CALCRL: variants seen among roughly 807,000 people sequenced by gnomAD.
CALCRL encodes the protein calcitonin gene-related peptide type 1 receptor.
In CALCRL, 27 loss-of-function variants were observed where a neutral mutation model predicts 60.4. That is an observed-to-expected ratio of 0.45 (90% CI 0.33 to 0.62). CALCRL has a LOEUF of 0.62. Ranked by LOEUF, CALCRL falls within the 20% of genes least tolerant of loss-of-function variation. The pLI is 0.03. For synonymous variants in CALCRL, 190 were observed against 182.6 expected, an observed-to-expected ratio of 1.04 and a Z score of -0.33; for missense variants, 424 against 540.7, an observed-to-expected ratio of 0.78 and a Z score of 2.14.
intron 1 of CALCRL, among the ~76,000 whole-genome samples, chr2:187,415,277 G>A (rs1689551289): frequency 6.6e-6 from 1 of 152,152 alleles, no homozygotes; most frequent in Non-Finnish European, 1.5e-5. Context: ...GCCTGCTTTT[G>A]AACTTCTCAC....
intron 1 of CALCRL, among the ~76,000 whole-genome samples, chr2:187,388,708 A>T (rs1443614821): frequency 6.6e-6 from 1 of 152,128 alleles, no homozygotes; most frequent in Non-Finnish European, 1.5e-5. Context: ...AATCACTTCT[A>T]TATTTATTAA....
chr2:187,365,335 A>G (rs116009467), intron 8 of CALCRL, among the ~76,000 whole-genome samples: 6 of 152,300 alleles, frequency 3.9e-5, no homozygotes, highest in Non-Finnish European at 7.4e-5. Context: ...ATTTGTTCAT[A>G]TGGTCTTATT....
In CALCRL at chr2:187,401,763, G is replaced by A. The variant is rs191815307; in HGVS notation, c.-292-14007C>T. On this transcript the variant is annotated intron_variant, in intron 1 of 14. Transcript: ENST00000392370. ...ATTTGTGATTTCTGATATTTTAATT[G>A]TGTTATTACAAATAGAAACATCAAA... 8.8e-4 allele frequency among the ~76,000 whole-genome samples: 134 copies of A among 151,612 alleles called. 4 individuals are homozygous for A. The highest frequency in any genetic ancestry group is 7.3e-3 in the Admixed American group (111 of 15,162).
chr2:187,406,020 A>G (rs560485193), intron 1 of CALCRL, among the ~76,000 whole-genome samples: 1 of 150,180 alleles, frequency 6.7e-6, no homozygotes, highest in East Asian at 2.0e-4. Flanking sequence ...TGTTTTAACC[A>G]TTTGGGACAA....
intron 8 of CALCRL, among the ~76,000 whole-genome samples, chr2:187,368,152 T>C (rs920995480): frequency 6.6e-6 from 1 of 152,124 alleles, no homozygotes; most frequent in Non-Finnish European, 1.5e-5. Flanking sequence ...TTCATAGGAT[T>C]GGCTTAAAAG....
At chr2:187,434,893 A>G (rs1461964953) in intron 1 of CALCRL, among the ~76,000 whole-genome samples, 3 of 152,184 alleles carry the variant, frequency 2.0e-5, no homozygotes, top group African/African-American at 7.2e-5. Flanking sequence ...AAGTAAAAAT[A>G]AAAGCAGAAA....
At chr2:187,390,002 A>C (rs1331052699) in intron 1 of CALCRL, among the ~76,000 whole-genome samples, 1 of 152,186 alleles carries the variant, frequency 6.6e-6, no homozygotes, top group Admixed American at 6.5e-5. Flanking sequence ...TTAGGATCCT[A>C]AAGTCACAAT....
At chr2:187,372,666 A>C (rs1687583578) in intron 8 of CALCRL, among the ~76,000 whole-genome samples, 1 of 152,164 alleles carries the variant, frequency 6.6e-6, no homozygotes, top group Admixed American at 6.6e-5. Flanking sequence ...GTGACCCTCA[A>C]TTACCAAAGA....
rs1322163706 is a variant in CALCRL at position 187,352,127 on chromosome 2, A to G, written c.1115T>C (p.Leu372Pro). Reference sequence around the variant, plus strand: ...AGAATGCCATACCTGGAAGTGCATAAGGATGTGCATGATGTAGTCATATAC... The same window carrying G: ...AGAATGCCATACCTGGAAGTGCATAGGGATGTGCATGATGTAGTCATATAC... ...EEVYDYIMHILMHFQGLLVST... is the reference protein window; with the variant it reads ...EEVYDYIMHIPMHFQGLLVST... Residue 372 changes from leucine to proline, a missense_variant, in exon 13 of 15, where the codon CTT becomes CCT. Physicochemically the swap from Leu to Pro is moderately conservative, Grantham distance 98. This residue lies in a region of CALCRL where 222 missense variants were observed against 265.6 expected (regional missense o/e 0.84). Coordinates refer to ENST00000392370, the MANE Select transcript of CALCRL (RefSeq NM_005795.6). 6.2e-7 allele frequency: 1 copy of G among 1,611,812 alleles called. No individual in the cohort carries two copies. Among genetic ancestry groups the G allele is most frequent in the East Asian group, 2.2e-5 (1 of 44,814 alleles).
At chr2:187,403,417 C>G (rs1450237599) in intron 1 of CALCRL, among the ~76,000 whole-genome samples, 1 of 151,832 alleles carries the variant, frequency 6.6e-6, no homozygotes, top group East Asian at 1.9e-4. Flanking sequence ...TTCTGTAGAT[C>G]AGCAAAGGAG....
At chr2:187,374,499 T>C (rs1687662008) in intron 8 of CALCRL, among the ~76,000 whole-genome samples, 1 of 152,154 alleles carries the variant, frequency 6.6e-6, no homozygotes, top group South Asian at 2.1e-4. Flanking sequence ...GCTTATAATT[T>C]CTATCTGTTG....
At chr2:187,349,903 T>C (rs936231861) in intron 14 of CALCRL, among the ~76,000 whole-genome samples, 3 of 151,620 alleles carry the variant, frequency 2.0e-5, no homozygotes, top group Non-Finnish European at 1.5e-5. Flanking sequence ...ATTTGACAAA[T>C]CAAATAATAA....
At chr2:187,433,855 T>A (rs1690507900) in intron 1 of CALCRL, among the ~76,000 whole-genome samples, 1 of 152,034 alleles carries the variant, frequency 6.6e-6, no homozygotes, top group Non-Finnish European at 1.5e-5. Flanking sequence ...GGCAATCAAG[T>A]GAATTAAAAA....
intron 1 of CALCRL, 54 bp downstream of exon 1, chr2:187,447,985 A>G (rs1329204817): frequency 3.3e-5 from 5 of 152,114 alleles, no homozygotes; most frequent in African/African-American, 1.2e-4. Flanking sequence ...ACATTGCCAA[A>G]CTATATGAGA....
In CALCRL at chr2:187,387,484, A is replaced by G. The variant is rs1688256529; in HGVS notation, c.-192T>C. ...CTATAGGCTAGTATGGGTTTTTATT[A>G]TTAGACGATCTTGAGAAAAATATAA... On this transcript the variant is annotated 5_prime_UTR_variant, in exon 3 of 15. Coordinates refer to ENST00000392370, the MANE Select transcript of CALCRL (RefSeq NM_005795.6). The G allele has an allele frequency of 1.0e-5, 3 of 294,490 alleles. No homozygotes were observed. Among genetic ancestry groups the G allele is most frequent in the Admixed American group, 5.1e-5 (1 of 19,690 alleles). The allele number at this position is 294,490 out of a possible 1,614,324, so 18.2% of individuals were successfully genotyped here. A position where few individuals can be genotyped will look rare whatever the true frequency, so the allele number is the denominator to read the frequency against.
chr2:187,379,493 A>G (rs906984312), intron 7 of CALCRL, among the ~76,000 whole-genome samples: 1 of 152,106 alleles, frequency 6.6e-6, no homozygotes, highest in Non-Finnish European at 1.5e-5. Context: ...ACAAATCTCA[A>G]TTTGTTAACT....
intron 1 of CALCRL, among the ~76,000 whole-genome samples, chr2:187,408,528 C>A (rs1257081881): frequency 5.3e-5 from 8 of 151,926 alleles, no homozygotes; most frequent in Admixed American, 5.2e-4. Flanking sequence ...ATACAGAAGC[C>A]TAAATGCCTA....
intron 8 of CALCRL, among the ~76,000 whole-genome samples, chr2:187,371,306 G>T (rs1158528337): frequency 2.6e-5 from 4 of 151,828 alleles, no homozygotes; most frequent in African/African-American, 9.7e-5. Context: ...CGCAGAATAG[G>T]CTATATCTCA....
chr2:187,396,845 CAA>C (rs1270932767), intron 1 of CALCRL, among the ~76,000 whole-genome samples: 4 of 151,320 alleles, frequency 2.6e-5, no homozygotes, highest in Non-Finnish European at 4.4e-5. Context: ...TTTCTTTTTC[CAA>C]AGAGATACTG....
Sources: gnomAD v4.1 joint callset for allele counts (sites outside exome capture counted in the v4.1 genomes callset) on GRCh38, gnomAD v4.1.1 for gene constraint, gnomAD v4.1.1 regional missense constraint, MANE v1.5 for transcripts, NCBI Gene and HGNC (gene_info 2026-07-23, HGNC 2026-07-21) for gene names.